Variants in CLASP2 observed in about 807,000 individuals in gnomAD.
CLASP2 encodes the protein CLIP-associating protein 2.
CLASP2 carries 47 observed loss-of-function variants against 194.4 expected under a neutral mutation model. The observed-to-expected ratio is 0.24, with a 90% confidence interval of 0.19 to 0.31. The LOEUF (loss-of-function observed/expected upper bound fraction) is 0.31, where lower values mean the gene tolerates loss of function less well. CLASP2 is among the 10% of genes least tolerant of loss of function. CLASP2 has a pLI of 1.00. For synonymous variants in CLASP2, 619 were observed against 633.5 expected (o/e 0.98, Z 0.34); for missense variants, 1,445 against 1,823.6 (o/e 0.79, Z 3.78).
At chr3:33,626,877 ACT>A in intron 10 of CLASP2, 109 bp downstream of exon 10, 1 of 625,978 alleles carries the variant, frequency 1.6e-6, no homozygotes, top group South Asian at 2.2e-5. Flanking sequence ...TACCTATCAG[ACT>A]CTCTATTTTA....
chr3:33,501,741 G>A lies in CLASP2; in HGVS notation c.4345C>T (p.Arg1449Trp). 1 of 1,613,264 alleles carries A rather than the reference G, an allele frequency of 6.2e-7. No homozygotes were observed. The highest frequency in any genetic ancestry group is 1.7e-5 in the Admixed American group (1 of 59,978). The change falls in exon 38 of 39, where the codon CGG becomes TGG. Residue 1449 changes from arginine to tryptophan, a missense_variant. By Grantham distance (101) the Arg-to-Trp change is moderately radical (BLOSUM62 -3). Transcript: ENST00000682230. ...ACCAGGCAGAAGACACAAGCTTTCC[G>A]AACACTGCTCTCTGAATTATCATAA... Reference protein sequence around the residue: ...QGYDNSESSVRKACVFCLVAV... With the variant: ...QGYDNSESSVWKACVFCLVAV...
At position 33,689,969 on chromosome 3, in the gene CLASP2, T is replaced by C. The variant is rs774224046; in HGVS notation, c.275-37A>G. ...GAGGGAGTAAAAGAGTAATTACTTA[T>C]AACTCATCTCCATTAAAAACTATAT... On this transcript the variant is annotated intron_variant, in intron 2 of 38. Transcript: ENST00000682230. The C allele has an allele frequency of 3.0e-6, 4 of 1,313,306 alleles. No homozygotes were observed. In the South Asian group the frequency reaches 4.4e-5, roughly 14 times the overall value. The allele number at this position is 1,313,306 out of a possible 1,614,324, so 81.4% of individuals were successfully genotyped here. A position where few individuals can be genotyped will look rare whatever the true frequency, so the allele number is the denominator to read the frequency against.
chr3:33,681,801 G>A (rs977641265), intron 6 of CLASP2, among the ~76,000 whole-genome samples: 2 of 152,194 alleles, frequency 1.3e-5, no homozygotes, highest in African/African-American at 4.8e-5. Context: ...GATCTCTAAC[G>A]TTGGAGGTGA....
chr3:33,538,756 T>C (rs1360334505), intron 33 of CLASP2, 33 bp downstream of exon 33: 15 of 1,488,646 alleles, frequency 1.0e-5, no homozygotes, highest in South Asian at 2.7e-5. Flanking sequence ...AACAATAAAA[T>C]AGTCTGGAAA....
chr3:33,511,860 T>C (rs1481719459), intron 36 of CLASP2, among the ~76,000 whole-genome samples: 4 of 78,248 alleles, frequency 5.1e-5, no homozygotes, highest in Non-Finnish European at 7.5e-5. Flanking sequence ...CTATGAGATA[T>C]CATCTCACAC....
intron 27 of CLASP2, 144 bp from the exon 28 acceptor site, chr3:33,561,115 T>C: frequency 1.4e-6 from 1 of 699,062 alleles, no homozygotes; most frequent in Non-Finnish European, 2.4e-6. Flanking sequence ...CTCTCTTGCT[T>C]TTCATTGGAC....
intron 19 of CLASP2, among the ~76,000 whole-genome samples, chr3:33,596,266 G>A (rs564048279): frequency 9.2e-5 from 14 of 151,994 alleles, no homozygotes; most frequent in East Asian, 3.9e-4. Flanking sequence ...TTAAAAAGTC[G>A]GCCTCTGTAA....
At chr3:33,634,235 T>C (rs772545360) in intron 8 of CLASP2, among the ~76,000 whole-genome samples, 4 of 152,198 alleles carry the variant, frequency 2.6e-5, no homozygotes, top group South Asian at 2.1e-4. Context: ...TTATCTAAAC[T>C]GTGTACCTAG....
At chr3:33,507,989 T>C (rs577160446) in intron 37 of CLASP2, among the ~76,000 whole-genome samples, 1 of 150,374 alleles carries the variant, frequency 6.7e-6, no homozygotes, top group African/African-American at 2.4e-5. Context: ...TGTGTATATA[T>C]ATAATATATA....
At position 33,571,015 on chromosome 3, in the gene CLASP2, A is replaced by ATTTTTTTTTTTTTTTTTTTTTT. The variant is rs1027731514; in HGVS notation, c.2700-226_2700-225insAAAAAAAAAAAAAAAAAAAAAA. 3.3e-3 allele frequency among the ~76,000 whole-genome samples: 410 copies of ATTTTTTTTTTTTTTTTTTTTTT among 123,842 alleles called. 27 individuals carry two copies. Among genetic ancestry groups the ATTTTTTTTTTTTTTTTTTTTTT allele is most frequent in the African/African-American group, 4.3e-3 (147 of 34,174 alleles). 81.2% of individuals were successfully genotyped at this position (123,842 alleles called of 152,430 possible). ...AGATGGCAAGATCCTGTCTCTATAA[A>ATTTTTTTTTTTTTTTTTTTTTT]TTTTTTTTTTTTTTTTTTGAGACGG... On this transcript the variant is annotated intron_variant, in intron 25 of 38. Transcript: ENST00000682230.
intron 6 of CLASP2, among the ~76,000 whole-genome samples, chr3:33,664,674 CA>C (rs922428327): frequency 5.9e-5 from 9 of 152,160 alleles, no homozygotes; most frequent in African/African-American, 2.2e-4. Context: ...GAAAGCATTT[CA>C]GTTCAAAGAC....
rs923124890 is a variant in CLASP2 at position 33,497,111 on chromosome 3, G to A, written c.*1520C>T. On this transcript the variant is annotated 3_prime_UTR_variant, in exon 39 of 39. Transcript: ENST00000682230. ...AAAACAAAATTGTTACAGGTAGAGG[G>A]AGAGGATATAGAGAAACTTTTCCTG... The A allele has an allele frequency of 1.3e-5, 2 of 152,570 alleles. No individual in the cohort carries two copies. The highest frequency in any genetic ancestry group is 4.8e-5 in the African/African-American group (2 of 41,438). 9.5% of individuals were successfully genotyped at this position (152,570 alleles called of 1,614,324 possible).
At chr3:33,652,239 C>T (rs1267757864) in intron 7 of CLASP2, among the ~76,000 whole-genome samples, 1 of 152,156 alleles carries the variant, frequency 6.6e-6, no homozygotes, top group Non-Finnish European at 1.5e-5. Flanking sequence ...AAGCTGTATC[C>T]TTCCTTGTTC....
At chr3:33,693,673 A>G (rs1304859395) in intron 2 of CLASP2, among the ~76,000 whole-genome samples, 1 of 152,186 alleles carries the variant, frequency 6.6e-6, no homozygotes, top group Non-Finnish European at 1.5e-5. Context: ...GTAGGCATTC[A>G]ATTAATTGAT....
At chr3:33,502,040 T>C (rs943529008) in intron 37 of CLASP2, 9 of 283,138 alleles carry the variant, frequency 3.2e-5, no homozygotes, top group Non-Finnish European at 4.6e-5. Flanking sequence ...GGCTGCTCAC[T>C]TGCCAATTCA....
chr3:33,624,516 C>A lies in CLASP2; in HGVS notation c.1036-2236G>T, dbSNP rs192063511. ...GACAAATATAGTAGTTTCCCCTTACCTGCAAGAGATATGTACCAAGACCCC... is the reference window on the plus strand; with the variant it reads ...GACAAATATAGTAGTTTCCCCTTACATGCAAGAGATATGTACCAAGACCCC... On this transcript the variant is annotated intron_variant, in intron 10 of 38. Transcript: ENST00000682230. Among the ~76,000 whole-genome samples the A allele has an allele frequency of 2.8e-3, 430 of 152,230 alleles. 1 individual carries two copies. The highest frequency in any genetic ancestry group is 9.9e-3 in the African/African-American group (410 of 41,554).
chr3:33,662,542 C>G (rs1328172496), intron 7 of CLASP2, among the ~76,000 whole-genome samples: 1 of 152,194 alleles, frequency 6.6e-6, no homozygotes, highest in East Asian at 1.9e-4. Flanking sequence ...CACAATCTTT[C>G]TAACACTCAC....
intron 37 of CLASP2, among the ~76,000 whole-genome samples, chr3:33,509,788 T>C (rs2049250690): frequency 6.6e-6 from 1 of 152,218 alleles, no homozygotes; most frequent in Non-Finnish European, 1.5e-5. Flanking sequence ...ACATCTCATT[T>C]TTGTTAAAAT....
intron 28 of CLASP2, 25 bp from the exon 29 acceptor site, chr3:33,559,410 A>C (rs1472514518): frequency 6.9e-7 from 1 of 1,452,948 alleles, no homozygotes; most frequent in Non-Finnish European, 9.5e-7. Flanking sequence ...AAGCAAAACG[A>C]AACAAAAATT....
Sources: gnomAD v4.1 joint callset for allele counts (sites outside exome capture counted in the v4.1 genomes callset) on GRCh38, gnomAD v4.1.1 for gene constraint, MANE v1.5 for transcripts, NCBI Gene and HGNC (gene_info 2026-07-23, HGNC 2026-07-21) for gene names.